The following ATXN7 variants were observed in gnomAD, a reference collection of about 807,000 sequenced individuals.
ATXN7 encodes ataxin 7.
A neutral mutation model predicts 70.5 loss-of-function variants in ATXN7; 12 were observed. The ratio of observed to expected loss-of-function variants is 0.17; its 90% CI spans 0.11 to 0.28. The LOEUF (loss-of-function observed/expected upper bound fraction) is 0.28, where lower values mean the gene tolerates loss of function less well. Among genes scored for constraint, ATXN7 ranks in the 10% least tolerant of loss-of-function variants. The pLI, the probability that ATXN7 is intolerant of heterozygous loss-of-function variation, is 1.00. For synonymous variants in ATXN7, 498 were observed against 448.7 expected (o/e 1.11, Z -1.39); for missense variants, 1,256 against 1,131.7 (o/e 1.11, Z -1.58).
chr3:63,884,474 AT>A (rs1477842231), intron 1 of ATXN7, among the ~76,000 whole-genome samples: 19 of 152,152 alleles, frequency 1.2e-4, no homozygotes, highest in Non-Finnish European at 2.4e-4. Flanking sequence ...AACAAATAAT[AT>A]GTGATATAAA....
At chr3:63,919,121 T>C (rs1165986211) in intron 4 of ATXN7, among the ~76,000 whole-genome samples, 1 of 152,216 alleles carries the variant, frequency 6.6e-6, no homozygotes, top group East Asian at 1.9e-4. Flanking sequence ...ATTGCATTGG[T>C]TGGAATAAAA....
At chr3:63,952,632 A>G (rs886733517) in intron 5 of ATXN7, 149 bp downstream of exon 5, 6 of 439,586 alleles carry the variant, frequency 1.4e-5, no homozygotes, top group Non-Finnish European at 2.0e-5. Context: ...GTTAATAACT[A>G]TCAGATGTTG....
intron 5 of ATXN7, among the ~76,000 whole-genome samples, chr3:63,953,540 A>G (rs993001886): frequency 2.0e-5 from 3 of 152,170 alleles, no homozygotes; most frequent in African/African-American, 7.2e-5. Flanking sequence ...TTGCTGAGAA[A>G]AATTTCTGGG....
chr3:63,966,890 T>G (rs536354713), intron 5 of ATXN7, among the ~76,000 whole-genome samples: 10 of 152,234 alleles, frequency 6.6e-5, no homozygotes, highest in Non-Finnish European at 1.5e-4. Flanking sequence ...ATCAGGTATC[T>G]AAGTCATTAT....
At chr3:63,976,505 T>C (rs936846953) in intron 5 of ATXN7, among the ~76,000 whole-genome samples, 1 of 152,210 alleles carries the variant, frequency 6.6e-6, no homozygotes, top group Non-Finnish European at 1.5e-5. Context: ...TTTATTGTTA[T>C]TGAAGTAGAA....
intron 4 of ATXN7, among the ~76,000 whole-genome samples, chr3:63,937,555 A>G (rs1305550791): frequency 6.6e-6 from 1 of 152,252 alleles, no homozygotes; most frequent in African/African-American, 2.4e-5. Context: ...ATAGTTTTAC[A>G]TACACAAGTG....
Position 63,927,103 on chromosome 3 carries a change from A to G in ATXN7, c.394+13878A>G, listed in dbSNP as rs138588616. 9.7e-3 allele frequency among the ~76,000 whole-genome samples: 1,484 copies of G among 152,280 alleles called. 17 individuals carry two copies. Among genetic ancestry groups the G allele is most frequent in the Middle Eastern group, 0.031 (9 of 294 alleles). On this transcript the variant is annotated intron_variant, in intron 4 of 12. Coordinates refer to ENST00000674280, the MANE Select transcript of ATXN7 (RefSeq NM_001377405.1). ...GGTTGGTTCCAAGTGTTGCTATTGT[A>G]AATAGTGTTACAGTAAACATACGTG...
At chr3:63,921,865 A>G (rs551537139) in intron 4 of ATXN7, among the ~76,000 whole-genome samples, 10 of 152,314 alleles carry the variant, frequency 6.6e-5, no homozygotes, top group South Asian at 4.1e-4. Context: ...TAATGAAAGC[A>G]CAGTGTCACA....
chr3:63,953,167 T>G (rs1316429266), intron 5 of ATXN7, among the ~76,000 whole-genome samples: 1 of 152,182 alleles, frequency 6.6e-6, no homozygotes, highest in East Asian at 1.9e-4. Context: ...TATAAGTTTT[T>G]TCCTCATTGC....
At chr3:63,900,902 GA>G (rs1279779684) in intron 2 of ATXN7, 1 of 152,274 alleles carries the variant, frequency 6.6e-6, no homozygotes, top group Admixed American at 6.5e-5. Context: ...CCAGAGAGGG[GA>G]ATAAAGTGAG....
chr3:63,895,735 TTC>T (rs531627653), intron 1 of ATXN7, among the ~76,000 whole-genome samples: 6 of 151,504 alleles, frequency 4.0e-5, no homozygotes, highest in Non-Finnish European at 7.4e-5. Context: ...CTTTCTCCTT[TTC>T]TCTCTCTCTC....
intron 1 of ATXN7, among the ~76,000 whole-genome samples, chr3:63,892,969 A>G (rs1703331206): frequency 6.6e-6 from 1 of 152,120 alleles, no homozygotes; most frequent in South Asian, 2.1e-4. Context: ...AGGTGTGGAG[A>G]AACAGGTGGG....
chr3:63,970,800 T>C (rs975574427), intron 5 of ATXN7, among the ~76,000 whole-genome samples: 1 of 152,226 alleles, frequency 6.6e-6, no homozygotes, highest in African/African-American at 2.4e-5. Flanking sequence ...ATCTGTTCTC[T>C]TTCATGCAGC....
chr3:63,977,747 C>G (rs958825260), intron 5 of ATXN7, among the ~76,000 whole-genome samples: 9 of 152,074 alleles, frequency 5.9e-5, no homozygotes, highest in African/African-American at 2.2e-4. Flanking sequence ...AGTAGGAATG[C>G]TAACCATCCT....
intron 4 of ATXN7, among the ~76,000 whole-genome samples, chr3:63,935,114 TAATG>T (rs533473958): frequency 6.6e-5 from 10 of 152,162 alleles, no homozygotes; most frequent in African/African-American, 1.7e-4. Context: ...TTAGTAAAGG[TAATG>T]AATGAATGAA....
At chr3:63,914,824 T>C (rs1387476774) in intron 4 of ATXN7, among the ~76,000 whole-genome samples, 1 of 152,238 alleles carries the variant, frequency 6.6e-6, no homozygotes, top group Non-Finnish European at 1.5e-5. Flanking sequence ...TATATTATTT[T>C]CTGTTGGGAT....
chr3:63,960,446 G>A (rs972796655), intron 5 of ATXN7, among the ~76,000 whole-genome samples: 9 of 152,162 alleles, frequency 5.9e-5, no homozygotes, highest in African/African-American at 2.2e-4. Context: ...ATGGAACACG[G>A]GGCAAATGTG....
chr3:63,917,535 A>G (rs1286805259), intron 4 of ATXN7, among the ~76,000 whole-genome samples: 1 of 152,198 alleles, frequency 6.6e-6, no homozygotes, highest in Non-Finnish European at 1.5e-5. Flanking sequence ...CAACAATGGT[A>G]TTGGGAAAAA....
At chr3:63,906,686 T>A (rs1381743933) in intron 2 of ATXN7, among the ~76,000 whole-genome samples, 2 of 152,200 alleles carry the variant, frequency 1.3e-5, no homozygotes, top group African/African-American at 2.4e-5. Flanking sequence ...GTGGAAGAAC[T>A]TTGATTGAAC....
Sources: allele counts gnomAD v4.1 joint callset (sites outside exome capture counted in the v4.1 genomes callset), GRCh38; gene constraint gnomAD v4.1.1; transcripts MANE v1.5; gene names NCBI Gene and HGNC (gene_info 2026-07-23, HGNC 2026-07-21).